Variants in PGR observed in about 807,000 individuals in gnomAD.
PGR encodes the protein nuclear receptor subfamily 3 group C member 3.
In PGR, 25 loss-of-function variants were observed where a neutral mutation model predicts 76.1. The observed-to-expected ratio is 0.33, with a 90% CI of 0.24 to 0.46. The LOEUF (loss-of-function observed/expected upper bound fraction) is 0.46, where lower values mean the gene tolerates loss of function less well. Among genes scored for constraint, PGR ranks in the 20% least tolerant of loss-of-function variants. PGR has a pLI of 1.00. For missense variants in PGR, 1,172 were observed against 1,225.3 expected (o/e 0.96, Z 0.65); for synonymous variants, 579 against 535.0 (o/e 1.08, Z -1.14).
chr11:101,064,948 G>A (rs1204817452), intron 3 of PGR, among the ~76,000 whole-genome samples: 1 of 152,206 alleles, frequency 6.6e-6, no homozygotes, highest in Admixed American at 6.5e-5. Context: ...GTAACATGCT[G>A]TATCGGTTTG....
intron 6 of PGR, 59 bp downstream of exon 6, chr11:101,049,870 A>C: frequency 6.9e-7 from 1 of 1,457,204 alleles, no homozygotes; most frequent in South Asian, 1.1e-5. Flanking sequence ...ATTGTTTGCA[A>C]CTTTTCTAAT....
chr11:101,126,105 T>A lies in PGR; in HGVS notation c.1691A>T (p.Gln564Leu). ...ATCCCCACAGATTAAACAAATCTTC[T>A]GAGGTAATGACTCGAAGCTGTATTG... ...SPQYSFESLP[Q>L]KICLICGDEA... is the part of the protein sequence containing the mutation. The change falls in exon 2 of 8, where the codon CAG (glutamine) becomes CTG (leucine). Residue 564 changes from glutamine (Q) to leucine (L), a missense_variant. Gln to Leu is a moderately radical substitution (Grantham distance 113, BLOSUM62 -2). This residue lies in a region of PGR where 40 missense variants were observed against 82.7 expected (regional missense o/e 0.48). Coordinates refer to ENST00000325455, the MANE Select transcript of PGR (RefSeq NM_000926.4). 1 of 1,614,086 alleles carries A rather than the reference T, an allele frequency of 6.2e-7. No individual in the cohort carries two copies. Among genetic ancestry groups the A allele is most frequent in the Middle Eastern group, 1.6e-4 (1 of 6,062 alleles).
chr11:101,050,206 A>G, intron 5 of PGR, 147 bp from the exon 6 acceptor site: 1 of 788,318 alleles, frequency 1.3e-6, no homozygotes, highest in Non-Finnish European at 2.0e-6. Context: ...AAACAAACCC[A>G]ATATTTGGAA....
chr11:101,045,555 TCTGA>T (rs1389990348), intron 6 of PGR, among the ~76,000 whole-genome samples: 2 of 152,208 alleles, frequency 1.3e-5, no homozygotes, highest in East Asian at 1.9e-4. Flanking sequence ...ACATGTGGTA[TCTGA>T]CTTTGTCTCT....
intron 3 of PGR, among the ~76,000 whole-genome samples, chr11:101,082,671 G>A (rs970808317): frequency 6.6e-6 from 1 of 152,200 alleles, no homozygotes; most frequent in African/African-American, 2.4e-5. Context: ...TGAGAGAGAT[G>A]ATTTGGGGTA....
At chr11:101,093,217 G>A (rs977943123) in intron 2 of PGR, among the ~76,000 whole-genome samples, 1 of 152,142 alleles carries the variant, frequency 6.6e-6, no homozygotes, top group Admixed American at 6.5e-5. Context: ...GGGTAACTGT[G>A]AAGCCTCATA....
intron 4 of PGR, among the ~76,000 whole-genome samples, chr11:101,059,659 C>T (rs1453657277): frequency 6.6e-6 from 1 of 151,448 alleles, no homozygotes; most frequent in East Asian, 1.9e-4. Context: ...AACAGTTAAA[C>T]CCAATTTCAA....
In PGR at chr11:101,035,734, C is replaced by T. The variant is rs1037564419; in HGVS notation, c.*3382G>A. ...GATAAAACAGGCCCTAAACTCAAAACACTGTATTTTTTCAGCAGAAGAAAT... is the reference window on the plus strand; with the variant it reads ...GATAAAACAGGCCCTAAACTCAAAATACTGTATTTTTTCAGCAGAAGAAAT... On this transcript the variant is annotated 3_prime_UTR_variant, in exon 8 of 8. Coordinates refer to ENST00000325455, the MANE Select transcript of PGR (RefSeq NM_000926.4). 1.7e-5 allele frequency: 4 copies of T among 231,458 alleles called. No individual in the cohort carries two copies. Among genetic ancestry groups the T allele is most frequent in the Admixed American group, 1.7e-4 (3 of 17,706 alleles). 14.3% of individuals were successfully genotyped at this position (231,458 alleles called of 1,614,324 possible).
At position 101,129,156 on chromosome 11, in the gene PGR, G is replaced by A; in HGVS notation, c.-86C>T. The A allele has an allele frequency of 8.6e-7, 1 of 1,166,978 alleles. No individual in the cohort carries two copies. The highest frequency in any genetic ancestry group is 1.1e-6 in the Non-Finnish European group (1 of 873,690). The allele number at this position is 1,166,978 out of a possible 1,614,324, so 72.3% of individuals were successfully genotyped here. A position where few individuals can be genotyped will look rare whatever the true frequency, so the allele number is the denominator to read the frequency against. On this transcript the variant is annotated 5_prime_UTR_variant, in exon 1 of 8. Transcript: ENST00000325455. ...AGGGGGTTTCGGGAATATAGGGGCA[G>A]AGGGAGGAGAAAGTGGGTGTTGAAT...
intron 2 of PGR, among the ~76,000 whole-genome samples, chr11:101,115,046 A>G (rs596223): frequency 0.25 from 38,168 of 151,952 alleles, 5,744 homozygotes; most frequent in Non-Finnish European, 0.35. Context: ...TGGGGGTGGG[A>G]ATAAGGGGTC....
intron 2 of PGR, among the ~76,000 whole-genome samples, chr11:101,107,469 CTAAA>C (rs1862201430): frequency 6.6e-6 from 1 of 152,076 alleles, no homozygotes; most frequent in East Asian, 1.9e-4. Flanking sequence ...ACATAGTTAG[CTAAA>C]CAGTAAGCAT....
chr11:101,117,196 G>A (rs1258335434), intron 2 of PGR, among the ~76,000 whole-genome samples: 14 of 152,046 alleles, frequency 9.2e-5, no homozygotes, highest in Admixed American at 9.2e-4. Context: ...GTCATTATTT[G>A]TTATTCATTA....
intron 3 of PGR, among the ~76,000 whole-genome samples, chr11:101,065,836 T>C (rs1860694159): frequency 6.6e-6 from 1 of 151,960 alleles, no homozygotes; most frequent in Non-Finnish European, 1.5e-5. Flanking sequence ...TAGTTGTCTC[T>C]CATTCAAGCT....
At position 101,037,854 on chromosome 11, in the gene PGR, A is replaced by G; in HGVS notation, c.*1262T>C. Reference sequence around the variant, plus strand: ...GTCATTCAACTCTCAGTCAGCAAACACTATTGACCACTTTATATGGCTCCC... The same window carrying G: ...GTCATTCAACTCTCAGTCAGCAAACGCTATTGACCACTTTATATGGCTCCC... On this transcript the variant is annotated 3_prime_UTR_variant, in exon 8 of 8. Transcript: ENST00000325455. 1 of 220,282 alleles carries G rather than the reference A, an allele frequency of 4.5e-6. No individual in the cohort carries two copies. Among genetic ancestry groups the G allele is most frequent in the East Asian group, 6.6e-5 (1 of 15,098 alleles). The allele number at this position is 220,282 out of a possible 1,614,324, so 13.6% of individuals were successfully genotyped here.
intron 3 of PGR, among the ~76,000 whole-genome samples, chr11:101,088,888 T>C (rs1385628150): frequency 6.6e-6 from 1 of 152,184 alleles, no homozygotes; most frequent in Non-Finnish European, 1.5e-5. Context: ...TGCAGCAGCA[T>C]GGATGTAGCT....
rs758674212 is a variant in PGR at position 101,127,424 on chromosome 11, G to A, written c.1637+10C>T. The A allele has an allele frequency of 2.0e-6, 3 of 1,533,294 alleles. No individual in the cohort carries two copies. The highest frequency in any genetic ancestry group is 1.2e-5 in the South Asian group (1 of 82,932). The allele number at this position is 1,533,294 out of a possible 1,614,324, so 95.0% of individuals were successfully genotyped here. ...GGACGCGCTGGGCGTGCCCCGTCCC[G>A]GGCCCTCACCTCAGGTAGTTGAGAT... On this transcript the variant is annotated intron_variant, in intron 1 of 7. Coordinates refer to ENST00000325455, the MANE Select transcript of PGR (RefSeq NM_000926.4).
intron 3 of PGR, among the ~76,000 whole-genome samples, chr11:101,078,997 T>A (rs957480290): frequency 1.3e-5 from 2 of 152,140 alleles, no homozygotes; most frequent in African/African-American, 4.8e-5. Flanking sequence ...AGTCAACTCA[T>A]TTTTGACAAA....
intron 2 of PGR, among the ~76,000 whole-genome samples, chr11:101,105,165 AG>A (rs144441725): frequency 0.024 from 3,648 of 152,354 alleles, 122 homozygotes; most frequent in African/African-American, 0.084. Context: ...CAGATGCTGT[AG>A]GGCCTTGAAG....
At chr11:101,125,142 GA>G (rs1862799145) in intron 2 of PGR, among the ~76,000 whole-genome samples, 1 of 152,066 alleles carries the variant, frequency 6.6e-6, no homozygotes, top group South Asian at 2.1e-4. Flanking sequence ...CATAGTTATA[GA>G]ATACATTTAT....
Sources: allele counts gnomAD v4.1 joint callset (sites outside exome capture counted in the v4.1 genomes callset), GRCh38; gene constraint gnomAD v4.1.1; regional missense constraint gnomAD v4.1.1; transcripts MANE v1.5; gene names NCBI Gene and HGNC (gene_info 2026-07-23, HGNC 2026-07-21).